Variants in UGDH observed in about 807,000 individuals in gnomAD.
UGDH encodes the protein UDP-glucose 6-dehydrogenase, also known as UDP-Glc dehydrogenase.
A neutral mutation model predicts 50.6 loss-of-function variants in UGDH; 38 were observed. The observed-to-expected ratio is 0.75, with a 90% CI of 0.58 to 0.98. The LOEUF is 0.98. Among genes scored for constraint, UGDH ranks in the 50% least tolerant of loss-of-function variants. The pLI is 0.00. For synonymous variants in UGDH, 168 were observed against 199.9 expected (o/e 0.84, Z 1.35); for missense variants, 465 against 606.2 (o/e 0.77, Z 2.45).
chr4:39,501,411 C>T (rs1018162477), intron 11 of UGDH, among the ~76,000 whole-genome samples: 1 of 151,828 alleles, frequency 6.6e-6, no homozygotes, highest in Non-Finnish European at 1.5e-5. Context: ...GCAGCTGGGA[C>T]CACAGGTGCC....
Position 39,521,471 on chromosome 4 carries a change from A to G in UGDH, c.42T>C (p.Tyr14=), listed in dbSNP as rs771125448. 2 of 1,612,264 alleles carry G rather than the reference A, an allele frequency of 1.2e-6. No homozygotes were observed. Among genetic ancestry groups the G allele is most frequent in the Non-Finnish European group, 1.7e-6 (2 of 1,179,188 alleles). The change falls in exon 2 of 12, where the codon TAT becomes TAC. Residue 14 remains tyrosine, a synonymous_variant. Coordinates refer to ENST00000316423, the MANE Select transcript of UGDH (RefSeq NM_003359.4). ...IKKICCIGAG[Y]VGGPTCSVIA... ...TGACACTACATGTGGGTCCTCCAAC[A>G]TAGCCTGCACCGATGCAACAGATCT...
At chr4:39,508,514 G>A in intron 7 of UGDH, 52 bp downstream of exon 7, 1 of 1,557,650 alleles carries the variant, frequency 6.4e-7, no homozygotes, top group Non-Finnish European at 8.8e-7. Flanking sequence ...GATTACAGGT[G>A]TGAACCACTA....
chr4:39,504,585 G>A (rs1745957634), intron 9 of UGDH, 77 bp from the exon 10 acceptor site: 2 of 1,264,154 alleles, frequency 1.6e-6, no homozygotes, highest in Non-Finnish European at 2.2e-6. Context: ...CCCCTTATCT[G>A]CAGGGATACA....
chr4:39,507,883 C>CA (rs1243042799), intron 7 of UGDH, among the ~76,000 whole-genome samples: 2 of 145,812 alleles, frequency 1.4e-5, no homozygotes, highest in Non-Finnish European at 3.0e-5. Context: ...GAGGTCACTG[C>CA]AGTGAGCAGC....
chr4:39,520,635 T>C (rs1377110125), intron 2 of UGDH, among the ~76,000 whole-genome samples: 1 of 151,988 alleles, frequency 6.6e-6, no homozygotes, highest in East Asian at 1.9e-4. Flanking sequence ...GTCCATCTAA[T>C]GTTTATGTGA....
At chr4:39,523,631 C>T (rs1401513564) in intron 1 of UGDH, among the ~76,000 whole-genome samples, 3 of 151,766 alleles carry the variant, frequency 2.0e-5, no homozygotes, top group Admixed American at 2.0e-4. Flanking sequence ...ATGACAAAAC[C>T]CCATCTCTAC....
chr4:39,526,726 G>A (rs920203449), intron 1 of UGDH, among the ~76,000 whole-genome samples: 4 of 152,150 alleles, frequency 2.6e-5, no homozygotes, highest in Admixed American at 2.6e-4. Flanking sequence ...ATCAAACAGA[G>A]CAATTCTGTG....
chr4:39,509,816 G>A lies in UGDH; in HGVS notation c.755C>T (p.Ala252Val). The change falls in exon 6 of 12, where the codon GCA becomes GTA. Residue 252 changes from alanine (A) to valine (V), a missense_variant. Coordinates refer to ENST00000316423, the MANE Select transcript of UGDH (RefSeq NM_003359.4). ...EATGADVEEV[A>V]TAIGMDQRIG... Reference sequence around the variant, plus strand: ...TCTCTGGTCCATTCCAATCGCTGTTGCTACCTCTTCTACATCAGCTCCTGT... The same window carrying A: ...TCTCTGGTCCATTCCAATCGCTGTTACTACCTCTTCTACATCAGCTCCTGT... The A allele has an allele frequency of 1.9e-6, 3 of 1,613,398 alleles. No homozygotes were observed. Among genetic ancestry groups the A allele is most frequent in the Non-Finnish European group, 1.7e-6 (2 of 1,179,940 alleles).
At chr4:39,524,769 A>T (rs1220086271) in intron 1 of UGDH, among the ~76,000 whole-genome samples, 1 of 152,090 alleles carries the variant, frequency 6.6e-6, no homozygotes, top group African/African-American at 2.4e-5. Flanking sequence ...TCAGCCTCCC[A>T]AAGTGTTGGG....
At position 39,523,570 on chromosome 4, in the gene UGDH, C is replaced by T. The variant is rs1045534420; in HGVS notation, c.-7-2051G>A. Among the ~76,000 whole-genome samples, 5 of 151,974 alleles carry T rather than the reference C, an allele frequency of 3.3e-5. No individual in the cohort carries two copies. In the East Asian group the frequency reaches 5.8e-4, roughly 18 times the overall value. On this transcript the variant is annotated intron_variant, in intron 1 of 11. Transcript: ENST00000316423. The stretch of plus-strand genomic sequence containing the variant: ...CTGTAATCCCAGCACTTCGGGAGGC[C>T]GAGGAGGCTGAATCACCTGAGGTCA...
intron 7 of UGDH, 88 bp from the exon 8 acceptor site, chr4:39,505,836 A>AC: frequency 7.4e-7 from 1 of 1,345,756 alleles, no homozygotes; most frequent in Non-Finnish European, 9.9e-7. Flanking sequence ...GGTGAGTGCT[A>AC]TTGTACAAAT....
At chr4:39,509,185 G>A (rs1474240930) in intron 6 of UGDH, among the ~76,000 whole-genome samples, 1 of 150,602 alleles carries the variant, frequency 6.6e-6, no homozygotes, top group Non-Finnish European at 1.5e-5. Flanking sequence ...TCACCATGCT[G>A]CCCAGGCTGG....
rs1745692116 is a variant in UGDH at position 39,499,058 on chromosome 4, T to C, written c.*1085A>G. 1 of 152,114 alleles carries C rather than the reference T, an allele frequency of 6.6e-6. No homozygotes were observed. The highest frequency in any genetic ancestry group is 6.6e-5 in the Admixed American group (1 of 15,260). The allele number at this position is 152,114 out of a possible 1,614,324, so 9.4% of individuals were successfully genotyped here. The stretch of plus-strand genomic sequence containing the variant: ...ATTCTTATTTTAGAATGATGCTATA[T>C]GTAACTTGTAAAATATTTAAGTTTT... On this transcript the variant is annotated 3_prime_UTR_variant, in exon 12 of 12. Transcript: ENST00000316423.
At chr4:39,518,780 T>C (rs934720629) in intron 2 of UGDH, among the ~76,000 whole-genome samples, 2 of 151,970 alleles carry the variant, frequency 1.3e-5, no homozygotes, top group African/African-American at 4.8e-5. Flanking sequence ...CTTTAGTAGA[T>C]ACTATCAAAC....
Position 39,521,500 on chromosome 4 carries a change from T to C in UGDH, c.13A>G (p.Lys5Glu). 1 of 1,597,796 alleles carries C rather than the reference T, an allele frequency of 6.3e-7. No individual in the cohort carries two copies. The highest frequency in any genetic ancestry group is 8.5e-7 in the Non-Finnish European group (1 of 1,173,242). Residue 5 changes from lysine (K) to glutamate (E), a missense_variant, in exon 2 of 12, where the codon AAG becomes GAG. Coordinates refer to ENST00000316423, the MANE Select transcript of UGDH (RefSeq NM_003359.4). Reference sequence around the variant, plus strand: ...CCTGCACCGATGCAACAGATCTTCTTAATTTCAAACATGATTGTACTAGAA... The same window carrying C: ...CCTGCACCGATGCAACAGATCTTCTCAATTTCAAACATGATTGTACTAGAA... Reference protein sequence around the residue: MFEIKKICCIGAGYV... With the variant: MFEIEKICCIGAGYV...
At chr4:39,501,435 G>A (rs548969152) in intron 11 of UGDH, among the ~76,000 whole-genome samples, 6 of 151,790 alleles carry the variant, frequency 4.0e-5, no homozygotes, top group Middle Eastern at 3.4e-3. Flanking sequence ...CACCACGCCC[G>A]GCAATTTTTT....
Position 39,503,924 on chromosome 4 carries a change from C to T in UGDH, c.1325G>A (p.Arg442Gln). The change falls in exon 11 of 12, where the codon CGG (arginine) becomes CAG (glutamine). Residue 442 changes from arginine to glutamine, a missense_variant. By Grantham distance (43) the Arg-to-Gln change is conservative. Transcript: ENST00000316423. ...ATTGTGGAGCCCATCCAGGACACGC[C>T]GTCCATCGAAGATAAAGGCTGGCTT... is the stretch of plus-strand genomic sequence containing the variant. ...MLKPAFIFDG[R>Q]RVLDGLHNEL... 1.9e-6 allele frequency: 3 copies of T among 1,614,166 alleles called. No homozygotes were observed. Among genetic ancestry groups the T allele is most frequent in the Non-Finnish European group, 2.5e-6 (3 of 1,180,030 alleles).
In UGDH at chr4:39,517,957, C is replaced by T. The variant is rs572592639; in HGVS notation, c.162+3394G>A. ...GTTTGTTTGTTTTTTAAGACGGAGT[C>T]TCACTCTGTTACCAACGCTGGAGTG... On this transcript the variant is annotated intron_variant, in intron 2 of 11. Coordinates refer to ENST00000316423, the MANE Select transcript of UGDH (RefSeq NM_003359.4). Among the ~76,000 whole-genome samples, 9 of 152,242 alleles carry T rather than the reference C, an allele frequency of 5.9e-5. No individual in the cohort carries two copies. The South Asian group carries it at 1.7e-3, about 28-fold the overall frequency.
Position 39,527,305 on chromosome 4 carries a change from G to C in UGDH, c.-30C>G, listed in dbSNP as rs1746948602. The C allele has an allele frequency of 2.7e-6, 1 of 369,108 alleles. No homozygotes were observed. Among genetic ancestry groups the C allele is most frequent in the Admixed American group, 3.8e-5 (1 of 26,524 alleles). The allele number at this position is 369,108 out of a possible 1,614,324, so 22.9% of individuals were successfully genotyped here. A position where few individuals can be genotyped will look rare whatever the true frequency, so the allele number is the denominator to read the frequency against. The stretch of plus-strand genomic sequence containing the variant: ...TACCCACTTCCCAGCAGCAAGCGCA[G>C]GGACCGCTCCTATCCCGATCGTTCG... On this transcript the variant is annotated 5_prime_UTR_variant, in exon 1 of 12. Coordinates refer to ENST00000316423, the MANE Select transcript of UGDH (RefSeq NM_003359.4).
Sources: gnomAD v4.1 joint callset for allele counts (sites outside exome capture counted in the v4.1 genomes callset) on GRCh38, gnomAD v4.1.1 for gene constraint, MANE v1.5 for transcripts, NCBI Gene and HGNC (gene_info 2026-07-23, HGNC 2026-07-21) for gene names.